Variants in APBA2 observed in about 807,000 individuals in gnomAD.
APBA2 encodes the protein amyloid beta precursor protein binding family A member 2.
APBA2 carries 30 observed loss-of-function variants against 75.0 expected under a neutral mutation model. The observed-to-expected ratio is 0.40, with a 90% confidence interval of 0.30 to 0.54. The LOEUF (loss-of-function observed/expected upper bound fraction) is 0.54. APBA2 is among the 20% of genes least tolerant of loss of function. The pLI, the probability that APBA2 is intolerant of heterozygous loss-of-function variation, is 0.49. For missense variants in APBA2, 801 were observed against 1,016.1 expected, an observed-to-expected ratio of 0.79 and a Z score of 2.88; for synonymous variants, 444 against 409.6, an observed-to-expected ratio of 1.08 and a Z score of -1.01.
chr15:29,083,190 A>G (rs2043153655), intron 6 of APBA2, among the ~76,000 whole-genome samples: 1 of 152,238 alleles, frequency 6.6e-6, no homozygotes, highest in South Asian at 2.1e-4. Context: ...AGGAAAAGTT[A>G]CATTTTAGGC....
chr15:29,010,026 T>C (rs1432267321), intron 3 of APBA2, among the ~76,000 whole-genome samples: 2 of 152,186 alleles, frequency 1.3e-5, no homozygotes, highest in Admixed American at 6.5e-5. Flanking sequence ...CACCTGCAAA[T>C]AGGAGTTTCA....
chr15:29,028,643 A>G (rs938602721), intron 3 of APBA2, among the ~76,000 whole-genome samples: 4 of 152,128 alleles, frequency 2.6e-5, no homozygotes, highest in African/African-American at 9.7e-5. Context: ...AAGCATTCCT[A>G]TTTCCCCGAA....
intron 2 of APBA2, among the ~76,000 whole-genome samples, chr15:28,935,288 C>G (rs892555918): frequency 6.6e-6 from 1 of 152,238 alleles, no homozygotes; most frequent in African/African-American, 2.4e-5. Flanking sequence ...GCTCACCATG[C>G]ACAGCACTTC....
chr15:28,952,971 A>G (rs1010730573), intron 2 of APBA2, among the ~76,000 whole-genome samples: 8 of 152,330 alleles, frequency 5.3e-5, no homozygotes, highest in African/African-American at 1.9e-4. Flanking sequence ...TTTGTATGAC[A>G]TAAATGTCAA....
chr15:29,080,042 C>G (rs905019211), intron 6 of APBA2, among the ~76,000 whole-genome samples: 3 of 152,088 alleles, frequency 2.0e-5, no homozygotes, highest in African/African-American at 7.2e-5. Context: ...GGGGACAGAG[C>G]CTGGACTTGG....
At chr15:29,049,496 A>G (rs1049348316) in intron 3 of APBA2, among the ~76,000 whole-genome samples, 1 of 152,260 alleles carries the variant, frequency 6.6e-6, no homozygotes, top group Admixed American at 6.5e-5. Flanking sequence ...TCAGGGGAGC[A>G]CCTTATTCCT....
At chr15:28,957,109 G>C (rs920006252) in intron 2 of APBA2, among the ~76,000 whole-genome samples, 1 of 151,610 alleles carries the variant, frequency 6.6e-6, no homozygotes, top group Admixed American at 6.6e-5. Context: ...GTCTCGTTCT[G>C]TCACCCAGGC....
intron 2 of APBA2, among the ~76,000 whole-genome samples, chr15:28,989,133 C>T (rs1156236618): frequency 6.6e-6 from 1 of 152,094 alleles, no homozygotes; most frequent in Non-Finnish European, 1.5e-5. Context: ...TCTTTTGCAC[C>T]TTTTTTTCTG....
chr15:29,093,217 C>A lies in APBA2; in HGVS notation c.1212C>A (p.Val404=), dbSNP rs771775827. The part of the protein sequence containing the change: ...MMQAQEAVSR[V]KRMQKAAKIK... ...AAGCGCAGGAGGCCGTCAGCCGGGT[C>A]AAGGTAGAGGTGCTTCGAGGGCCCC... Residue 404 remains valine, a synonymous_variant, in exon 7 of 15, where the codon GTC becomes GTA. Coordinates refer to ENST00000683413, the MANE Select transcript of APBA2 (RefSeq NM_001353788.2). The A allele has an allele frequency of 2.5e-6, 4 of 1,614,098 alleles. No individual in the cohort carries two copies. The highest frequency in any genetic ancestry group is 3.4e-6 in the Non-Finnish European group (4 of 1,180,054).
chr15:29,098,652 C>G, intron 9 of APBA2, 76 bp downstream of exon 9: 1 of 1,225,048 alleles, frequency 8.2e-7, no homozygotes, highest in Non-Finnish European at 1.2e-6. Flanking sequence ...GGTATAGGCC[C>G]TCGTTCTCAG....
chr15:29,076,425 G>A (rs983500248), intron 6 of APBA2, among the ~76,000 whole-genome samples: 1 of 151,392 alleles, frequency 6.6e-6, no homozygotes, highest in African/African-American at 2.4e-5. Context: ...TGATCAGGGT[G>A]GATATAATGC....
intron 3 of APBA2, among the ~76,000 whole-genome samples, chr15:28,999,250 A>T (rs529085041): frequency 6.6e-6 from 1 of 152,212 alleles, no homozygotes; most frequent in East Asian, 1.9e-4. Context: ...TACACACATC[A>T]TAAAAGAAAA....
intron 3 of APBA2, among the ~76,000 whole-genome samples, chr15:29,010,366 C>T (rs1376922406): frequency 1.3e-5 from 2 of 152,168 alleles, no homozygotes; most frequent in African/African-American, 4.8e-5. Flanking sequence ...TCACGCCCTT[C>T]TCCTGCCTCA....
Position 29,053,841 on chromosome 15 carries a change from A to T in APBA2, c.-40-4A>T. On this transcript the variant is annotated splice_region_variant and splice_polypyrimidine_tract_variant and intron_variant, in intron 3 of 14. Transcript: ENST00000683413. ...TCTGTCCTTCCCAATGTTCCTCCCC[A>T]CAGTGGCTGCCTCCGGGTGATGATG... The T allele has an allele frequency of 6.4e-7, 1 of 1,565,614 alleles. No individual in the cohort carries two copies. Among genetic ancestry groups the T allele is most frequent in the Non-Finnish European group, 8.7e-7 (1 of 1,146,986 alleles).
intron 3 of APBA2, among the ~76,000 whole-genome samples, chr15:29,039,445 C>G (rs2040922985): frequency 6.6e-6 from 1 of 152,090 alleles, no homozygotes; most frequent in South Asian, 2.1e-4. Context: ...ACCATGGACC[C>G]TTCACATTTT....
intron 8 of APBA2, among the ~76,000 whole-genome samples, chr15:29,097,957 T>A: frequency 6.6e-6 from 1 of 152,198 alleles, no homozygotes; most frequent in South Asian, 2.1e-4. Flanking sequence ...TCCTCTAGGG[T>A]CATCCATGTG....
chr15:28,973,092 G>T (rs2037154537), intron 2 of APBA2, among the ~76,000 whole-genome samples: 1 of 152,228 alleles, frequency 6.6e-6, no homozygotes, highest in Non-Finnish European at 1.5e-5. Context: ...GAGGAAGTTT[G>T]TAGCAATCCA....
chr15:28,935,493 T>C (rs1373975037), intron 2 of APBA2, among the ~76,000 whole-genome samples: 2 of 152,178 alleles, frequency 1.3e-5, no homozygotes, highest in Admixed American at 6.5e-5. Context: ...GGACAGTGGC[T>C]GTCAGGGCGT....
chr15:28,996,814 G>A (rs2038549165), intron 3 of APBA2, among the ~76,000 whole-genome samples: 1 of 152,122 alleles, frequency 6.6e-6, no homozygotes, highest in South Asian at 2.1e-4. Flanking sequence ...GCAAGGCAGC[G>A]GTGGCCTTGG....
Sources: gnomAD v4.1 joint callset for allele counts (sites outside exome capture counted in the v4.1 genomes callset) on GRCh38, gnomAD v4.1.1 for gene constraint, MANE v1.5 for transcripts, NCBI Gene and HGNC (gene_info 2026-07-23, HGNC 2026-07-21) for gene names.